Variants in C8orf34 observed in about 807,000 individuals in gnomAD.
The protein encoded by C8orf34 is uncharacterized protein C8orf34.
A neutral mutation model predicts 68.3 loss-of-function variants in C8orf34; 65 were observed. That is an observed-to-expected ratio of 0.95 (90% CI 0.78 to 1.17). The LOEUF is 1.17. Among genes scored for constraint, C8orf34 ranks in the 50% most tolerant of loss-of-function variants. The probability of loss-of-function intolerance (pLI) is 0.00; values close to 1 mark genes in which losing one functional copy is unlikely to be tolerated. For synonymous variants in C8orf34, 244 were observed against 241.2 expected, an observed-to-expected ratio of 1.01 and a Z score of -0.11; for missense variants, 664 against 655.4, an observed-to-expected ratio of 1.01 and a Z score of -0.14.
At chr8:68,790,781 T>C (rs1823972246) in intron 12 of C8orf34, 1 of 663,484 alleles carries the variant, frequency 1.5e-6, no homozygotes, top group Middle Eastern at 2.4e-4. Context: ...CTGGGGTACT[T>C]GTTTAACACT....
intron 11 of C8orf34, among the ~76,000 whole-genome samples, chr8:68,780,519 ACT>A (rs969153101): frequency 5.9e-5 from 9 of 152,124 alleles, no homozygotes; most frequent in East Asian, 1.9e-4. Context: ...CTTTGTTATT[ACT>A]CTCTCTCTTT....
At chr8:68,354,824 G>T (rs893146680) in intron 1 of C8orf34, among the ~76,000 whole-genome samples, 1 of 152,186 alleles carries the variant, frequency 6.6e-6, no homozygotes, top group Middle Eastern at 3.4e-3. Context: ...CAGGTGTTTT[G>T]CTTCGTGCTT....
At position 68,709,034 on chromosome 8, in the gene C8orf34, C is replaced by A. The variant is rs774022553; in HGVS notation, c.1282C>A (p.Leu428Ile). ...DNLEERTEESLPILHSPDEKI... is the reference protein window; with the variant it reads ...DNLEERTEESIPILHSPDEKI... ...CCTGGAAGAAAGGACAGAAGAGTCA[C>A]TACCAATACTCCATTCTCCAGATGA... The change falls in exon 9 of 14, where the codon CTA (leucine) becomes ATA (isoleucine). Residue 428 changes from leucine to isoleucine, a missense_variant. Coordinates refer to ENST00000518698, the MANE Select transcript of C8orf34 (RefSeq NM_052958.4). The A allele has an allele frequency of 3.1e-6, 5 of 1,610,084 alleles. 1 individual carries two copies. The South Asian group carries it at 5.5e-5, about 18-fold the overall frequency.
chr8:68,425,147 G>C (rs1224100612), intron 1 of C8orf34, among the ~76,000 whole-genome samples: 2 of 152,052 alleles, frequency 1.3e-5, no homozygotes, highest in Non-Finnish European at 2.9e-5. Flanking sequence ...CCTCATAAAT[G>C]CATCTACAGA....
At chr8:68,773,638 G>A (rs916163169) in intron 10 of C8orf34, among the ~76,000 whole-genome samples, 6 of 151,884 alleles carry the variant, frequency 4.0e-5, no homozygotes, top group South Asian at 2.1e-4. Flanking sequence ...CACCTGCCTC[G>A]GCATCCCAAA....
chr8:68,797,749 G>A (rs1375604677), intron 12 of C8orf34, among the ~76,000 whole-genome samples: 2 of 152,084 alleles, frequency 1.3e-5, no homozygotes, highest in Non-Finnish European at 2.9e-5. Flanking sequence ...TGCACTGTAT[G>A]GAATATAAAG....
chr8:68,670,596 C>T (rs947840748), intron 8 of C8orf34, among the ~76,000 whole-genome samples: 2 of 152,130 alleles, frequency 1.3e-5, no homozygotes, highest in Non-Finnish European at 2.9e-5. Context: ...TTGTCCCAGA[C>T]CATTGTTCTT....
intron 7 of C8orf34, among the ~76,000 whole-genome samples, chr8:68,626,105 G>A (rs954710739): frequency 1.3e-5 from 2 of 152,154 alleles, no homozygotes; most frequent in Non-Finnish European, 2.9e-5. Flanking sequence ...TCCATGTGGA[G>A]ATGAGAGAGA....
intron 2 of C8orf34, among the ~76,000 whole-genome samples, chr8:68,441,105 A>T (rs1810890662): frequency 6.7e-6 from 1 of 149,562 alleles, no homozygotes; most frequent in Non-Finnish European, 1.5e-5. Context: ...TGCCCTGCCA[A>T]CTCTTCATTT....
intron 8 of C8orf34, among the ~76,000 whole-genome samples, chr8:68,674,787 G>A (rs1452838981): frequency 6.6e-6 from 1 of 152,090 alleles, no homozygotes; most frequent in Non-Finnish European, 1.5e-5. Flanking sequence ...CCACGTACAA[G>A]AAGGTTATAG....
intron 7 of C8orf34, among the ~76,000 whole-genome samples, chr8:68,592,586 T>C (rs1817423469): frequency 7.0e-6 from 1 of 142,774 alleles, no homozygotes; most frequent in Non-Finnish European, 1.5e-5. Flanking sequence ...AGTTTATCAA[T>C]TTATCTCTTC....
intron 4 of C8orf34, among the ~76,000 whole-genome samples, chr8:68,469,805 C>G (rs1370612934): frequency 6.6e-6 from 1 of 151,770 alleles, no homozygotes; most frequent in East Asian, 1.9e-4. Flanking sequence ...TTTTAGATTG[C>G]AGAATCTTAC....
chr8:68,795,780 A>G (rs908891481), intron 12 of C8orf34, among the ~76,000 whole-genome samples: 8 of 152,180 alleles, frequency 5.3e-5, no homozygotes, highest in Non-Finnish European at 8.8e-5. Context: ...GTGGCCTTCC[A>G]TGGAAGTCTC....
chr8:68,582,603 T>G (rs1432589504), intron 7 of C8orf34, among the ~76,000 whole-genome samples: 2 of 152,044 alleles, frequency 1.3e-5, no homozygotes, highest in East Asian at 3.9e-4. Context: ...AGAGTGACCT[T>G]GGTTCTGAGG....
chr8:68,462,870 C>A (rs1213475155), intron 3 of C8orf34, among the ~76,000 whole-genome samples: 1 of 151,958 alleles, frequency 6.6e-6, no homozygotes, highest in Non-Finnish European at 1.5e-5. Flanking sequence ...CCTAACATCA[C>A]AATTAAAAGA....
chr8:68,809,434 G>A (rs1824581014), intron 12 of C8orf34, among the ~76,000 whole-genome samples: 1 of 152,142 alleles, frequency 6.6e-6, no homozygotes, highest in Non-Finnish European at 1.5e-5. Context: ...TGAGTTCATA[G>A]GTGATATATT....
intron 5 of C8orf34, among the ~76,000 whole-genome samples, chr8:68,493,288 A>G (rs1813391370): frequency 7.5e-6 from 1 of 133,584 alleles, no homozygotes; most frequent in African/African-American, 2.6e-5. Flanking sequence ...AACAACAAAA[A>G]CTAATTACTC....
intron 7 of C8orf34, among the ~76,000 whole-genome samples, chr8:68,580,351 G>C (rs1817026933): frequency 6.6e-6 from 1 of 152,046 alleles, no homozygotes; most frequent in African/African-American, 2.4e-5. Flanking sequence ...AGAAGAAAAG[G>C]AAAGGAGACC....
chr8:68,400,592 G>C (rs1468215366), intron 1 of C8orf34, among the ~76,000 whole-genome samples: 2 of 152,028 alleles, frequency 1.3e-5, no homozygotes, highest in Non-Finnish European at 2.9e-5. Context: ...GCAGAATCTT[G>C]CTCTGTCATC....
Sources: gnomAD v4.1 joint callset for allele counts (sites outside exome capture counted in the v4.1 genomes callset) on GRCh38, gnomAD v4.1.1 for gene constraint, MANE v1.5 for transcripts, NCBI Gene and HGNC (gene_info 2026-07-23, HGNC 2026-07-21) for gene names.